Variants in AQR observed in about 807,000 individuals in gnomAD.
AQR encodes the protein aquarius intron-binding spliceosomal factor, also known as RNA helicase aquarius.
A neutral mutation model predicts 180.5 loss-of-function variants in AQR; 61 were observed. That is an observed-to-expected ratio of 0.34 (90% CI 0.28 to 0.42). The LOEUF (loss-of-function observed/expected upper bound fraction) is 0.42. AQR is among the 10% of genes least tolerant of loss of function. AQR has a pLI of 1.00. For synonymous variants in AQR, 551 were observed against 588.8 expected (o/e 0.94, Z 0.93); for missense variants, 1,281 against 1,798.3 (o/e 0.71, Z 5.20).
intron 23 of AQR, among the ~76,000 whole-genome samples, chr15:34,891,004 T>C (rs1328240715): frequency 6.6e-6 from 1 of 152,122 alleles, no homozygotes; most frequent in African/African-American, 2.4e-5. Context: ...CTAATTAAGG[T>C]ACTATTTAAA....
At chr15:34,960,695 T>C (rs1179105134) in intron 3 of AQR, 79 bp downstream of exon 3, 9 of 640,760 alleles carry the variant, frequency 1.4e-5, no homozygotes, top group Non-Finnish European at 1.6e-5. Context: ...GTTCAAGTTA[T>C]GATCACATTT....
intron 27 of AQR, 37 bp downstream of exon 27, chr15:34,882,465 T>A (rs1388074328): frequency 1.5e-5 from 18 of 1,200,460 alleles, no homozygotes; most frequent in South Asian, 8.1e-5. Context: ...CTGATAATCT[T>A]AAAAAAAAAA....
chr15:34,867,067 G>A (rs1892746133), intron 32 of AQR, among the ~76,000 whole-genome samples: 1 of 152,072 alleles, frequency 6.6e-6, no homozygotes, highest in African/African-American at 2.4e-5. Flanking sequence ...AACGATAAAA[G>A]TAGATTGTTT....
At chr15:34,862,846 A>G (rs1555422480) in intron 33 of AQR, 21 bp downstream of exon 33, 2 of 1,611,372 alleles carry the variant, frequency 1.2e-6, no homozygotes, top group Non-Finnish European at 1.7e-6. Context: ...CTGTTTTATA[A>G]AATGAAGAAA....
intron 2 of AQR, among the ~76,000 whole-genome samples, chr15:34,962,963 T>A (rs1171531681): frequency 6.6e-6 from 1 of 152,126 alleles, no homozygotes; most frequent in Admixed American, 6.5e-5. Flanking sequence ...AGTGTCAACA[T>A]CTATTTCATT....
At chr15:34,937,484 G>T (rs16960120) in intron 9 of AQR, among the ~76,000 whole-genome samples, 11,037 of 152,048 alleles carry the variant, frequency 0.073, 457 homozygotes, top group African/African-American at 0.092. Flanking sequence ...ATTCCATTGT[G>T]TTTTTTTAAA....
chr15:34,897,628 G>A lies in AQR; in HGVS notation c.2321C>T (p.Ala774Val). 1 of 1,614,062 alleles carries A rather than the reference G, an allele frequency of 6.2e-7. No individual in the cohort carries two copies. Among genetic ancestry groups the A allele is most frequent in the East Asian group, 2.2e-5 (1 of 44,856 alleles). Residue 774 changes from alanine (A) to valine (V), a missense_variant, in exon 21 of 35, where the codon GCA becomes GTA. Physicochemically the swap from Ala to Val is moderately conservative, Grantham distance 64. Around this residue, in one of 9 missense-constraint regions of AQR, gnomAD observed 112 missense variants for 128.6 expected, o/e 0.87. Coordinates refer to ENST00000156471, the MANE Select transcript of AQR (RefSeq NM_014691.3). ...ADVEDEDTEE[A>V]KTLIVEPHVI... is the part of the protein sequence containing the mutation. Reference sequence around the variant, plus strand: ...ATGGGGCTCAACAATTAAGGTTTTTGCTTCCTCGGTGTCTTCATCTTCCAC... The same window carrying A: ...ATGGGGCTCAACAATTAAGGTTTTTACTTCCTCGGTGTCTTCATCTTCCAC...
chr15:34,923,821 T>C (rs1434276162), intron 13 of AQR, among the ~76,000 whole-genome samples: 3 of 152,254 alleles, frequency 2.0e-5, no homozygotes, highest in Admixed American at 6.5e-5. Flanking sequence ...TTGATTACTA[T>C]AGCTTTACTG....
At chr15:34,919,167 A>G (rs539298907) in intron 14 of AQR, among the ~76,000 whole-genome samples, 2 of 150,618 alleles carry the variant, frequency 1.3e-5, no homozygotes, top group African/African-American at 2.4e-5. Flanking sequence ...TGAACCCGGG[A>G]GGCGGAAGTT....
intron 27 of AQR, 26 bp downstream of exon 27, chr15:34,882,476 A>C (rs1892987383): frequency 1.4e-6 from 2 of 1,452,804 alleles, no homozygotes; most frequent in Non-Finnish European, 1.8e-6. Context: ...AAAAAAAAAA[A>C]AAAAAAAACT....
At chr15:34,966,695 T>G (rs974611571) in intron 1 of AQR, among the ~76,000 whole-genome samples, 1 of 152,182 alleles carries the variant, frequency 6.6e-6, no homozygotes, top group Non-Finnish European at 1.5e-5. Context: ...AATGGATACA[T>G]AAGTGAATTA....
chr15:34,926,224 A>G (rs1295219721), intron 13 of AQR, among the ~76,000 whole-genome samples: 1 of 151,554 alleles, frequency 6.6e-6, no homozygotes. Context: ...GTTTAATGGA[A>G]CTCTATGTAG....
intron 1 of AQR, among the ~76,000 whole-genome samples, chr15:34,967,265 G>T (rs1386660277): frequency 6.6e-6 from 1 of 152,058 alleles, no homozygotes; most frequent in Non-Finnish European, 1.5e-5. Flanking sequence ...CTCAAAACTG[G>T]CTCCTTCTTT....
chr15:34,910,352 T>C, intron 16 of AQR, 39 bp from the exon 17 acceptor site: 1 of 1,602,116 alleles, frequency 6.2e-7, no homozygotes, highest in Non-Finnish European at 8.5e-7. Flanking sequence ...AAACAAAAAA[T>C]AATTTATCCC....
intron 18 of AQR, among the ~76,000 whole-genome samples, chr15:34,905,781 T>C (rs1893402773): frequency 6.6e-6 from 1 of 152,144 alleles, no homozygotes; most frequent in Non-Finnish European, 1.5e-5. Context: ...AAGTATTACA[T>C]ATTTTAAAAA....
intron 4 of AQR, among the ~76,000 whole-genome samples, chr15:34,951,675 A>T (rs1238875942): frequency 6.6e-6 from 1 of 152,022 alleles, no homozygotes; most frequent in Non-Finnish European, 1.5e-5. Context: ...CTCAAAAAAA[A>T]AAAAAAAAAA....
intron 34 of AQR, among the ~76,000 whole-genome samples, chr15:34,859,042 T>A (rs181822862): frequency 1.6e-4 from 25 of 152,304 alleles, no homozygotes; most frequent in Non-Finnish European, 2.9e-4. Flanking sequence ...GCATGAATCA[T>A]AAAAGAACAC....
At chr15:34,944,456 T>G in intron 5 of AQR, 28 bp from the exon 6 acceptor site, 1 of 1,574,588 alleles carries the variant, frequency 6.4e-7, no homozygotes, top group Non-Finnish European at 8.6e-7. Context: ...AAAATTCATT[T>G]TGTATTGGCT....
rs371314055 is a variant in AQR at position 34,874,010 on chromosome 15, A to G, written c.3426-11T>C. The G allele has an allele frequency of 3.8e-6, 6 of 1,583,078 alleles. No homozygotes were observed. In the Admixed American group the frequency reaches 5.3e-5, roughly 14 times the overall value. The stretch of plus-strand genomic sequence containing the variant: ...TAGAGGTTGCACAAGCTTTCCAAAG[A>G]CAAATTCCCCCACAAACAGAAAATA... On this transcript the variant is annotated splice_polypyrimidine_tract_variant and intron_variant, in intron 29 of 34. Transcript: ENST00000156471.
Sources: allele counts gnomAD v4.1 joint callset (sites outside exome capture counted in the v4.1 genomes callset), GRCh38; gene constraint gnomAD v4.1.1; regional missense constraint gnomAD v4.1.1; transcripts MANE v1.5; gene names NCBI Gene and HGNC (gene_info 2026-07-23, HGNC 2026-07-21).